Variants in VAPB observed in about 807,000 individuals in gnomAD.
The protein encoded by VAPB is vesicle-associated membrane protein-associated protein B/C.
In VAPB, 7 loss-of-function variants were observed where a neutral mutation model predicts 25.6. That is an observed-to-expected ratio of 0.27 (90% CI 0.16 to 0.51). The LOEUF (loss-of-function observed/expected upper bound fraction) is 0.51. Ranked by LOEUF, VAPB falls within the 20% of genes least tolerant of loss-of-function variation. The pLI, the probability that VAPB is intolerant of heterozygous loss-of-function variation, is 0.97. For synonymous variants in VAPB, 112 were observed against 109.2 expected (o/e 1.03, Z -0.16); for missense variants, 266 against 301.3 (o/e 0.88, Z 0.87).
intron 2 of VAPB, chr20:58,431,138 C>T (rs1339510824): frequency 6.6e-6 from 1 of 152,246 alleles, no homozygotes; most frequent in Non-Finnish European, 1.5e-5. Context: ...GAAGCCATGT[C>T]TGTGACTTTT....
intron 5 of VAPB, among the ~76,000 whole-genome samples, chr20:58,442,193 A>G (rs962122157): frequency 6.6e-6 from 1 of 152,196 alleles, no homozygotes; most frequent in Non-Finnish European, 1.5e-5. Context: ...TCTGACAGTG[A>G]GGTAGATATA....
chr20:58,415,082 C>T (rs941680073), intron 1 of VAPB, among the ~76,000 whole-genome samples: 6 of 150,646 alleles, frequency 4.0e-5, no homozygotes, highest in Admixed American at 2.0e-4. Flanking sequence ...GGCGTGGCGG[C>T]GCGAGCCTGC....
chr20:58,399,583 G>A (rs962180937), intron 1 of VAPB, among the ~76,000 whole-genome samples: 1 of 151,960 alleles, frequency 6.6e-6, no homozygotes, highest in Non-Finnish European at 1.5e-5. Flanking sequence ...AGGCTTGGTG[G>A]TGTATGCCTG....
intron 1 of VAPB, among the ~76,000 whole-genome samples, chr20:58,405,742 CTTT>C (rs71181964): frequency 5.5e-3 from 238 of 43,416 alleles, no homozygotes; most frequent in Non-Finnish European, 7.9e-3. Context: ...GGCCAGGAGC[CTTT>C]TTTTTTTTTT....
At chr20:58,408,842 T>A (rs1025871801) in intron 1 of VAPB, among the ~76,000 whole-genome samples, 3 of 151,998 alleles carry the variant, frequency 2.0e-5, no homozygotes, top group African/African-American at 7.3e-5. Flanking sequence ...TTTACTATGT[T>A]TGTGGCACTG....
At position 58,392,317 on chromosome 20, in the gene VAPB, A is replaced by G. The variant is rs181997972; in HGVS notation, c.58+2800A>G. Among the ~76,000 whole-genome samples, 30 of 152,308 alleles carry G rather than the reference A, an allele frequency of 2.0e-4. 1 individual carries two copies. Among genetic ancestry groups the G allele is most frequent in the Admixed American group, 1.7e-3 (26 of 15,290 alleles). On this transcript the variant is annotated intron_variant, in intron 1 of 5. Transcript: ENST00000475243. ...TGGTTTCATCACTTCTGTACCTGAAAGGTGTGGCAGAGAATAGCGATCATT... is the reference window on the plus strand; with the variant it reads ...TGGTTTCATCACTTCTGTACCTGAAGGGTGTGGCAGAGAATAGCGATCATT...
At position 58,450,196 on chromosome 20, in the gene VAPB, T is replaced by G; in HGVS notation, c.*5961T>G. The G allele has an allele frequency of 2.2e-6, 1 of 454,078 alleles. No individual in the cohort carries two copies. The highest frequency in any genetic ancestry group is 4.4e-6 in the Non-Finnish European group (1 of 226,758). 28.1% of individuals were successfully genotyped at this position (454,078 alleles called of 1,614,324 possible). A position where few individuals can be genotyped will look rare whatever the true frequency, so the allele number is the denominator to read the frequency against. On this transcript the variant is annotated 3_prime_UTR_variant, in exon 6 of 6. Coordinates refer to ENST00000475243, the MANE Select transcript of VAPB (RefSeq NM_004738.5). ...ATAGACTGAATTCAGCTGTTAATCC[T>G]CTAGTACAGTATCCATGTTAAAATG...
chr20:58,448,898 TG>T lies in VAPB; in HGVS notation c.*4666del, dbSNP rs1389547061. On this transcript the variant is annotated 3_prime_UTR_variant, in exon 6 of 6. Coordinates refer to ENST00000475243, the MANE Select transcript of VAPB (RefSeq NM_004738.5). The stretch of plus-strand genomic sequence containing the variant: ...CCAGTCCGTCTCGGCAAGGAGATGA[TG>T]GGAGCGCTTTATATGGAGGCTTTAC... 2.2e-6 allele frequency: 1 copy of T among 453,958 alleles called. No individual in the cohort carries two copies. The highest frequency in any genetic ancestry group is 2.0e-5 in the African/African-American group (1 of 50,002). The allele number at this position is 453,958 out of a possible 1,614,324, so 28.1% of individuals were successfully genotyped here.
intron 2 of VAPB, among the ~76,000 whole-genome samples, chr20:58,429,216 AC>A (rs1988874871): frequency 6.6e-6 from 1 of 152,020 alleles, no homozygotes; most frequent in Non-Finnish European, 1.5e-5. Context: ...TATACCCAGA[AC>A]TTCCTGAAAG....
chr20:58,418,238 A>G lies in VAPB; in HGVS notation c.86A>G (p.Asn29Ser), dbSNP rs1293144080. ...RGPFTDVVTT[N>S]LKLGNPTDRN... is the part of the protein sequence containing the mutation. ...CCCTTCACCGATGTTGTCACCACCA[A>G]CCTAAAGCTTGGCAACCCGACAGAC... Residue 29 changes from asparagine (N) to serine (S), a missense_variant, in exon 2 of 6, where the codon AAC (asparagine) becomes AGC (serine). By Grantham distance (46) the Asn-to-Ser change is conservative. This residue lies in a region of VAPB where 98 missense variants were observed against 147.1 expected (regional missense o/e 0.67). Coordinates refer to ENST00000475243, the MANE Select transcript of VAPB (RefSeq NM_004738.5). The G allele has an allele frequency of 1.2e-5, 19 of 1,614,104 alleles. No individual in the cohort carries two copies. The highest frequency in any genetic ancestry group is 1.5e-5 in the Non-Finnish European group (18 of 1,180,020).
At chr20:58,439,141 T>A in intron 4 of VAPB, 116 bp downstream of exon 4, 1 of 986,016 alleles carries the variant, frequency 1.0e-6, no homozygotes, top group Non-Finnish European at 1.5e-6. Context: ...ATCTGATGTC[T>A]GAAGAAAAAA....
In VAPB at chr20:58,445,521, G is replaced by T. The variant is rs1266795904; in HGVS notation, c.*1286G>T. 1.1e-5 allele frequency: 5 copies of T among 454,188 alleles called. No homozygotes were observed. Among genetic ancestry groups the T allele is most frequent in the African/African-American group, 2.0e-5 (1 of 49,962 alleles). The allele number at this position is 454,188 out of a possible 1,614,324, so 28.1% of individuals were successfully genotyped here. A position where few individuals can be genotyped will look rare whatever the true frequency, so the allele number is the denominator to read the frequency against. Reference sequence around the variant, plus strand: ...GTTTGACTATGTAGCATCTTGAAAAGAAAAATTATAATAAAGCCCCAAAAT... The same window carrying T: ...GTTTGACTATGTAGCATCTTGAAAATAAAAATTATAATAAAGCCCCAAAAT... On this transcript the variant is annotated 3_prime_UTR_variant, in exon 6 of 6. Transcript: ENST00000475243.
chr20:58,442,704 G>A (rs1249637835), intron 5 of VAPB, among the ~76,000 whole-genome samples: 1 of 152,206 alleles, frequency 6.6e-6, no homozygotes, highest in Non-Finnish European at 1.5e-5. Context: ...CCCTGCCCTT[G>A]AGGAGCTCTC....
rs955262987 is a variant in VAPB at position 58,444,953 on chromosome 20, T to C, written c.*718T>C. 3.5e-5 allele frequency: 16 copies of C among 454,544 alleles called. No individual in the cohort carries two copies. Among genetic ancestry groups the C allele is most frequent in the Middle Eastern group, 6.8e-4 (1 of 1,466 alleles). 28.2% of individuals were successfully genotyped at this position (454,544 alleles called of 1,614,324 possible). A position where few individuals can be genotyped will look rare whatever the true frequency, so the allele number is the denominator to read the frequency against. On this transcript the variant is annotated 3_prime_UTR_variant, in exon 6 of 6. Transcript: ENST00000475243. The stretch of plus-strand genomic sequence containing the variant: ...AGATGTTTAATGCATATTTAACTTA[T>C]TTAATGTATTTCATCTCATGTTTTC...
chr20:58,396,330 G>A (rs758062749), intron 1 of VAPB, among the ~76,000 whole-genome samples: 8 of 152,146 alleles, frequency 5.3e-5, no homozygotes, highest in Non-Finnish European at 1.0e-4. Flanking sequence ...TACCTATAAT[G>A]TGTTTCAATT....
intron 1 of VAPB, among the ~76,000 whole-genome samples, chr20:58,415,583 A>C (rs1170026806): frequency 6.6e-6 from 1 of 152,228 alleles, no homozygotes; most frequent in Non-Finnish European, 1.5e-5. Context: ...TTCTAGAGAC[A>C]CATCATTTTT....
At chr20:58,423,669 A>G (rs920544936) in intron 2 of VAPB, among the ~76,000 whole-genome samples, 1 of 152,188 alleles carries the variant, frequency 6.6e-6, no homozygotes, top group Admixed American at 6.5e-5. Flanking sequence ...AAAGAAGCCA[A>G]ACATTTATCC....
chr20:58,414,325 A>AC lies in VAPB; in HGVS notation c.59-3878dup, dbSNP rs557223898. ...GGGCTGCTGGCCTGGCGGGGGGCTG[A>AC]CCCCCCCCACCTCCCTCCCGGACGG... On this transcript the variant is annotated intron_variant, in intron 1 of 5. Coordinates refer to ENST00000475243, the MANE Select transcript of VAPB (RefSeq NM_004738.5). Among the ~76,000 whole-genome samples the AC allele has an allele frequency of 7.6e-3, 786 of 103,248 alleles. 5 individuals are homozygous for AC. Among genetic ancestry groups the AC allele is most frequent in the African/African-American group, 0.028 (719 of 26,006 alleles). The allele number at this position is 103,248 out of a possible 152,430, so 67.7% of individuals were successfully genotyped here.
At chr20:58,410,129 T>G (rs1216694601) in intron 1 of VAPB, among the ~76,000 whole-genome samples, 1 of 152,130 alleles carries the variant, frequency 6.6e-6, no homozygotes, top group Non-Finnish European at 1.5e-5. Context: ...CTCTTGTAAC[T>G]CCTACCCCAC....
Sources: allele counts gnomAD v4.1 joint callset (sites outside exome capture counted in the v4.1 genomes callset), GRCh38; gene constraint gnomAD v4.1.1; regional missense constraint gnomAD v4.1.1; transcripts MANE v1.5; gene names NCBI Gene and HGNC (gene_info 2026-07-23, HGNC 2026-07-21).